MUC6: variants seen among roughly 807,000 people sequenced by gnomAD.
MUC6 encodes mucin 6, oligomeric mucus/gel-forming (gene/pseudogene), also known as mucin-6.
MUC6 carries 188 observed loss-of-function variants against 201.5 expected under a neutral mutation model. That is an observed-to-expected ratio of 0.93 (90% CI 0.83 to 1.05). The LOEUF (loss-of-function observed/expected upper bound fraction) is 1.05. Ranked by LOEUF, MUC6 falls within the 50% of genes least tolerant of loss-of-function variation. The pLI, the probability that MUC6 is intolerant of heterozygous loss-of-function variation, is 0.00. For missense variants in MUC6, 2,706 were observed against 3,256.9 expected (o/e 0.83, Z 4.12); for synonymous variants, 1,228 against 1,389.4 (o/e 0.88, Z 2.58).
In MUC6 at chr11:1,019,978, C is replaced by T. The variant is rs1372995865; in HGVS notation, c.3808+112G>A. The T allele has an allele frequency of 2.2e-6, 3 of 1,344,836 alleles. No homozygotes were observed. The Admixed American group carries it at 5.9e-5, about 27-fold the overall frequency. The allele number at this position is 1,344,836 out of a possible 1,614,324, so 83.3% of individuals were successfully genotyped here. On this transcript the variant is annotated intron_variant, in intron 29 of 32. Coordinates refer to ENST00000421673, the MANE Select transcript of MUC6 (RefSeq NM_005961.3). ...TAGGAAGTTCTACGCTGGGAATCTG[C>T]TTAGTGGCAGATGTGAGCCAGGAAG...
chr11:1,016,282 T>C lies in MUC6; in HGVS notation c.6519A>G (p.Thr2173=), dbSNP rs199499378. 1.4e-5 allele frequency: 23 copies of C among 1,612,550 alleles called. No individual in the cohort carries two copies. The highest frequency in any genetic ancestry group is 1.9e-5 in the Non-Finnish European group (22 of 1,179,572). The change falls in exon 31 of 33, where the codon ACA becomes ACG. Residue 2173 remains threonine (T), a synonymous_variant. Transcript: ENST00000421673. ...SSFVSAPVHS[T]TLSSGSHSSL... Reference sequence around the variant, plus strand: ...AGGAGTGTGACCCCGAGCTCAGGGTTGTGGAGTGCACGGGGGCGGACACGA... The same window carrying C: ...AGGAGTGTGACCCCGAGCTCAGGGTCGTGGAGTGCACGGGGGCGGACACGA...
chr11:1,033,875 G>T lies in MUC6; in HGVS notation c.53-800C>A, dbSNP rs1043647338. On this transcript the variant is annotated intron_variant, in intron 1 of 32. Coordinates refer to ENST00000421673, the MANE Select transcript of MUC6 (RefSeq NM_005961.3). This position sits in a 1 kb window ranked among gnomAD's most constrained non-coding sequence, Gnocchi z 5.6. ...GTGGTGCGGCACCTGAGCAGGACCC[G>T]TGACCTCTCCAGGCCCTTCTTGGGG... Among the ~76,000 whole-genome samples, 1 of 152,018 alleles carries T rather than the reference G, an allele frequency of 6.6e-6. No individual in the cohort carries two copies. The highest frequency in any genetic ancestry group is 1.5e-5 in the Non-Finnish European group (1 of 67,966).
chr11:1,033,339 G>A lies in MUC6; in HGVS notation c.53-264C>T, dbSNP rs1045218378. On this transcript the variant is annotated intron_variant, in intron 1 of 32. Coordinates refer to ENST00000421673, the MANE Select transcript of MUC6 (RefSeq NM_005961.3). The surrounding 1 kb of genome is among the most constrained non-coding windows in gnomAD (Gnocchi z 5.6). Reference sequence around the variant, plus strand: ...GTCCCAGTTCAGCCGTCAGCCCCTCGGGGTTCGGCAGATGGCGGGCACCCT... The same window carrying A: ...GTCCCAGTTCAGCCGTCAGCCCCTCAGGGTTCGGCAGATGGCGGGCACCCT... The A allele has an allele frequency of 9.1e-6, 5 of 546,676 alleles. No homozygotes were observed. Among genetic ancestry groups the A allele is most frequent in the South Asian group, 4.7e-5 (2 of 42,794 alleles). 33.9% of individuals were successfully genotyped at this position (546,676 alleles called of 1,614,324 possible).
Position 1,015,831 on chromosome 11 carries a change from T to C in MUC6, c.6970A>G (p.Thr2324Ala), listed in dbSNP as rs1446615326. Residue 2324 changes from threonine (T) to alanine (A), a missense_variant, in exon 31 of 33, where the codon ACT becomes GCT. Thr to Ala is a moderately conservative substitution (Grantham distance 58). Transcript: ENST00000421673. ...PTTRFLTSSL[T>A]AHGSTPASAP... ...GAAGCAGGGGTGCTTCCATGGGCAG[T>C]GAGGGAGCTGGTCAGGAACCGTGTG... is the stretch of plus-strand genomic sequence containing the variant. 6.3e-7 allele frequency: 1 copy of C among 1,584,284 alleles called. No individual in the cohort carries two copies. The highest frequency in any genetic ancestry group is 1.2e-5 in the South Asian group (1 of 86,096).
At chr11:1,031,777 C>T (rs1272429049) in intron 3 of MUC6, 36 bp downstream of exon 3, 1 of 1,554,910 alleles carries the variant, frequency 6.4e-7, no homozygotes, top group Non-Finnish European at 8.7e-7. Context: ...AGTCCTCCGG[C>T]CCCCGAGCCC....
intron 25 of MUC6, 24 bp from the exon 26 acceptor site, chr11:1,023,676 TG>T (rs746565790): frequency 6.2e-7 from 1 of 1,610,124 alleles, no homozygotes; most frequent in Non-Finnish European, 8.5e-7. Context: ...AGCTGTCAGC[TG>T]GTGGGGTTCC....
Position 1,013,213 on chromosome 11 carries a change from T to C in MUC6, c.*243A>G. 1 of 552,804 alleles carries C rather than the reference T, an allele frequency of 1.8e-6. No individual in the cohort carries two copies. Among genetic ancestry groups the C allele is most frequent in the Admixed American group, 3.5e-5 (1 of 28,680 alleles). The allele number at this position is 552,804 out of a possible 1,614,324, so 34.2% of individuals were successfully genotyped here. On this transcript the variant is annotated 3_prime_UTR_variant, in exon 33 of 33. Transcript: ENST00000421673. ...GTGCCCTGTGTGCCTGGGAGGTCCG[T>C]GACCACTGTCCGCCTCAGTCCCTCT...
In MUC6 at chr11:1,018,204, G is replaced by T. The variant is rs764375661; in HGVS notation, c.4597C>A (p.His1533Asn). 8 of 1,614,018 alleles carry T rather than the reference G, an allele frequency of 5.0e-6. No individual in the cohort carries two copies. The highest frequency in any genetic ancestry group is 6.8e-6 in the Non-Finnish European group (8 of 1,179,832). Residue 1533 changes from histidine (H) to asparagine (N), a missense_variant, in exon 31 of 33, where the codon CAC becomes AAC. Physicochemically the swap from His to Asn is moderately conservative, Grantham distance 68 (BLOSUM62 1). Around this residue, in one of 10 missense-constraint regions of MUC6, gnomAD observed 128 missense variants for 206.5 expected, o/e 0.62. Transcript: ENST00000421673. ...GAAGTTGGGGTGACTTCAGGATGGT[G>T]TGTGGAGGAAGTGTGTGAATGTAGC... The part of the protein sequence containing the change: ...TSLHSHTSST[H>N]HPEVTPTSTT...
intron 1 of MUC6, among the ~76,000 whole-genome samples, chr11:1,034,258 TG>T (rs1490243538): frequency 6.6e-6 from 1 of 152,210 alleles, no homozygotes; most frequent in Non-Finnish European, 1.5e-5. Context: ...GACACATATT[TG>T]GCTGTGGTCC....
intron 31 of MUC6, 122 bp downstream of exon 31, chr11:1,015,640 C>T: frequency 7.1e-7 from 1 of 1,416,114 alleles, no homozygotes; most frequent in Non-Finnish European, 9.2e-7. Context: ...GTAGGGAAGG[C>T]AGGGAACAGG....
Position 1,016,554 on chromosome 11 carries a change from C to A in MUC6, c.6247G>T (p.Ala2083Ser), listed in dbSNP as rs376688775. The A allele has an allele frequency of 2.3e-6, 2 of 852,810 alleles. No homozygotes were observed. The highest frequency in any genetic ancestry group is 3.0e-6 in the Non-Finnish European group (2 of 671,344). The allele number at this position is 852,810 out of a possible 1,614,324, so 52.8% of individuals were successfully genotyped here. A position where few individuals can be genotyped will look rare whatever the true frequency, so the allele number is the denominator to read the frequency against. ...GAGGAGGATATGAAGGAAGAAGAGG[C>A]TGTAGCTGTGCTGAATGAGCTGTGG... ...QTHSSFSTATASSSFISSSSW... is the reference protein window; with the variant it reads ...QTHSSFSTATSSSSFISSSSW... Residue 2083 changes from alanine to serine, a missense_variant, in exon 31 of 33, where the codon GCC becomes TCC. By Grantham distance (99) the Ala-to-Ser change is moderately conservative. Transcript: ENST00000421673.
In MUC6 at chr11:1,025,371, T is replaced by TG. The variant is rs1365454524; in HGVS notation, c.2800-5dup. 5 of 1,606,770 alleles carry TG rather than the reference T, an allele frequency of 3.1e-6. No homozygotes were observed. The highest frequency in any genetic ancestry group is 1.3e-5 in the African/African-American group (1 of 74,846). On this transcript the variant is annotated splice_region_variant and splice_polypyrimidine_tract_variant and intron_variant, in intron 22 of 32. Transcript: ENST00000421673. ...CCGCCAGCACCACGGACAGGCCCTGTGGGGTGGGGTTGGCATAGGACTGCC... is the reference window on the plus strand; with the variant it reads ...CCGCCAGCACCACGGACAGGCCCTGTGGGGGTGGGGTTGGCATAGGACTGCC...
Position 1,028,014 on chromosome 11 carries a change from G to T in MUC6, c.1799C>A (p.Thr600Lys). Reference protein sequence around the residue: ...THCSMLLRTGTVFERCHATVN... With the variant: ...THCSMLLRTGKVFERCHATVN... ...TGTGGCGTGGCACCTCTCGAACACC[G>T]TGCCTGTCCTCAGCAGCATGGAGCA... The change falls in exon 15 of 33, where the codon ACG (threonine) becomes AAG (lysine). Residue 600 changes from threonine (T) to lysine (K), a missense_variant. Thr to Lys is a moderately conservative substitution (Grantham distance 78, BLOSUM62 -1). This residue lies in a region of MUC6 where 1,850 missense variants were observed against 1,958.3 expected (regional missense o/e 0.94). Transcript: ENST00000421673. 1.3e-6 allele frequency: 2 copies of T among 1,587,026 alleles called. No homozygotes were observed. Among genetic ancestry groups the T allele is most frequent in the Non-Finnish European group, 1.7e-6 (2 of 1,167,164 alleles).
intron 8 of MUC6, among the ~76,000 whole-genome samples, chr11:1,029,905 A>G (rs78459074): frequency 0.11 from 16,699 of 152,290 alleles, 1,021 homozygotes; most frequent in East Asian, 0.27. Context: ...GGTGGCCTCC[A>G]GCAGGCAGGG....
At chr11:1,031,111 T>TC in intron 5 of MUC6, 55 bp from the exon 6 acceptor site, 2 of 591,482 alleles carry the variant, frequency 3.4e-6, no homozygotes, top group Non-Finnish European at 4.5e-6. Context: ...GAGGCCCCCC[T>TC]GCCCTGCCCC....
chr11:1,024,753 G>A (rs965120182), intron 24 of MUC6, 91 bp downstream of exon 24: 17 of 1,499,552 alleles, frequency 1.1e-5, no homozygotes, highest in Middle Eastern at 2.3e-4. Flanking sequence ...CCCACGGAGG[G>A]AGAACCGTGC....
intron 18 of MUC6, 38 bp downstream of exon 18, chr11:1,027,102 CT>C (rs1217644319): frequency 6.2e-7 from 1 of 1,611,238 alleles, no homozygotes; most frequent in East Asian, 2.2e-5. Context: ...GCCGGGGCCC[CT>C]CACAGTCCCA....
chr11:1,028,125 A>T, intron 14 of MUC6, 66 bp from the exon 15 acceptor site: 1 of 1,533,936 alleles, frequency 6.5e-7, no homozygotes, highest in Non-Finnish European at 8.8e-7. Flanking sequence ...CCTCCCAGGG[A>T]CCCCCCACCC....
chr11:1,028,626 C>T lies in MUC6; in HGVS notation c.1591+20G>A. 6.2e-7 allele frequency: 1 copy of T among 1,603,522 alleles called. No individual in the cohort carries two copies. The highest frequency in any genetic ancestry group is 8.5e-7 in the Non-Finnish European group (1 of 1,175,722). On this transcript the variant is annotated intron_variant, in intron 13 of 32. Coordinates refer to ENST00000421673, the MANE Select transcript of MUC6 (RefSeq NM_005961.3). ...TGTAGGGATGAGGCAACAGGGCCAC[C>T]TGGAGAGGCAGGGACTCACCTCTGG...
Sources: gnomAD v4.1 joint callset for allele counts (sites outside exome capture counted in the v4.1 genomes callset) on GRCh38, gnomAD v4.1.1 for gene constraint, gnomAD v4.1.1 regional missense constraint, Gnocchi (gnomAD v3.1) non-coding constraint, MANE v1.5 for transcripts, NCBI Gene and HGNC (gene_info 2026-07-23, HGNC 2026-07-21) for gene names.